The following ZXDC variants were observed in gnomAD, a reference collection of about 807,000 sequenced individuals.
ZXDC encodes the protein zinc finger protein ZXDC.
Under a neutral mutation model 63.6 loss-of-function variants are expected in ZXDC, and 58 were observed. That is an observed-to-expected ratio of 0.91 (90% confidence interval 0.74 to 1.13). ZXDC has a LOEUF of 1.13. Among genes scored for constraint, ZXDC ranks in the 50% most tolerant of loss-of-function variants. ZXDC has a pLI of 0.00. For synonymous variants in ZXDC, 561 were observed against 496.1 expected (o/e 1.13, Z -1.74); for missense variants, 1,133 against 1,148.9 (o/e 0.99, Z 0.20).
chr3:126,471,885 G>T, intron 3 of ZXDC, 88 bp downstream of exon 3: 1 of 1,138,652 alleles, frequency 8.8e-7, no homozygotes, highest in Non-Finnish European at 1.2e-6. Context: ...CTTAAAAAAT[G>T]TCTACAGATA....
At chr3:126,449,067 G>C (rs1212431294) in intron 7 of ZXDC, among the ~76,000 whole-genome samples, 2 of 152,170 alleles carry the variant, frequency 1.3e-5, no homozygotes, top group Non-Finnish European at 2.9e-5. Flanking sequence ...GGCCTCAGAA[G>C]AGTAAATGTA....
intron 7 of ZXDC, chr3:126,459,287 T>A: frequency 1.0e-6 from 1 of 985,374 alleles, no homozygotes; most frequent in Non-Finnish European, 1.2e-6. Flanking sequence ...AGTCCCCAGG[T>A]CTCTGCCATG....
chr3:126,459,360 C>T lies in ZXDC; in HGVS notation c.2212+293G>A, dbSNP rs980377105. On this transcript the variant is annotated intron_variant, in intron 7 of 9. Coordinates refer to ENST00000389709, the MANE Select transcript of ZXDC (RefSeq NM_025112.5). ...AATCTCTGCTTTCCTGACAACTGGCCTGCTTTGCTTATTTACCTTAGTAGC... is the reference window on the plus strand; with the variant it reads ...AATCTCTGCTTTCCTGACAACTGGCTTGCTTTGCTTATTTACCTTAGTAGC... 1.2e-4 allele frequency: 120 copies of T among 985,348 alleles called. 1 individual carries two copies. Among genetic ancestry groups the T allele is most frequent in the Admixed American group, 6.1e-5 (1 of 16,274 alleles). 61.0% of individuals were successfully genotyped at this position (985,348 alleles called of 1,614,324 possible). A position where few individuals can be genotyped will look rare whatever the true frequency, so the allele number is the denominator to read the frequency against.
intron 7 of ZXDC, 119 bp from the exon 8 acceptor site, chr3:126,442,065 A>C: frequency 8.3e-7 from 1 of 1,201,730 alleles, no homozygotes; most frequent in African/African-American, 1.6e-5. Context: ...CTGCACAGCT[A>C]AGAGACGTAA....
chr3:126,454,645 T>A (rs904394525), intron 7 of ZXDC: 1 of 985,338 alleles, frequency 1.0e-6, no homozygotes, highest in African/African-American at 1.7e-5. Flanking sequence ...TGACACAGGA[T>A]ACCCTTGGTT....
intron 1 of ZXDC, among the ~76,000 whole-genome samples, chr3:126,473,318 G>C (rs1432770325): frequency 6.6e-6 from 1 of 152,078 alleles, no homozygotes; most frequent in Non-Finnish European, 1.5e-5. Flanking sequence ...ACCTGCTAGA[G>C]ACCCTCATCA....
chr3:126,449,756 T>C (rs911893472), intron 7 of ZXDC, among the ~76,000 whole-genome samples: 4 of 152,006 alleles, frequency 2.6e-5, no homozygotes, highest in African/African-American at 7.2e-5. Flanking sequence ...GACGGCAACA[T>C]AGGGACGACC....
At chr3:126,469,511 T>C (rs1934896258) in intron 4 of ZXDC, among the ~76,000 whole-genome samples, 1 of 152,182 alleles carries the variant, frequency 6.6e-6, no homozygotes, top group African/African-American at 2.4e-5. Context: ...CTTTCTCTTT[T>C]CCCACTGTTA....
intron 7 of ZXDC, chr3:126,454,006 T>C: frequency 5.9e-6 from 5 of 850,360 alleles, no homozygotes; most frequent in Non-Finnish European, 7.1e-6. Context: ...CATATATATA[T>C]ATAAGCAGTA....
chr3:126,450,133 C>G (rs1467945335), intron 7 of ZXDC: 3 of 353,998 alleles, frequency 8.5e-6, no homozygotes, highest in Non-Finnish European at 1.7e-5. Flanking sequence ...TGTCCAGAGT[C>G]TGCAAGGGGT....
rs867750415 is a variant in ZXDC, at chr3:126,448,174, C to T, written c.2213-6228G>A. Among the ~76,000 whole-genome samples, 5 of 152,356 alleles carry T rather than the reference C, an allele frequency of 3.3e-5. No individual in the cohort carries two copies. In the East Asian group the frequency reaches 9.6e-4, roughly 29 times the overall value. On this transcript the variant is annotated intron_variant, in intron 7 of 9. Transcript: ENST00000389709. ...CACACCGTATGTCTTCAATAGTTAT[C>T]ACACCTTTGTCAAGTTTTAGAACCA...
At chr3:126,463,977 A>G (rs1158196000) in intron 5 of ZXDC, among the ~76,000 whole-genome samples, 6 of 152,238 alleles carry the variant, frequency 3.9e-5, no homozygotes, top group South Asian at 4.1e-4. Flanking sequence ...CTTAGTACCA[A>G]TGAAGCATTT....
intron 7 of ZXDC, chr3:126,453,099 C>T (rs892895532): frequency 5.1e-6 from 5 of 985,280 alleles, no homozygotes; most frequent in African/African-American, 3.5e-5. Flanking sequence ...ATTTACTGCA[C>T]AAATTCCACA....
At chr3:126,469,571 A>G (rs947546587) in intron 4 of ZXDC, among the ~76,000 whole-genome samples, 3 of 152,060 alleles carry the variant, frequency 2.0e-5, no homozygotes, top group African/African-American at 7.2e-5. Flanking sequence ...GCTGCTTTCA[A>G]TCCTGAAGCC....
rs938452820 is a variant in ZXDC at position 126,465,024 on chromosome 3, G to A, written c.1441+1131C>T. Among the ~76,000 whole-genome samples the A allele has an allele frequency of 3.9e-5, 6 of 152,284 alleles. No homozygotes were observed. The South Asian group carries it at 6.2e-4, about 16-fold the overall frequency. ...CCCAACCCCTCACCAAACTCTGTGCGAGGCATGGAGGCCTGTCCCTTGCCA... is the reference window on the plus strand; with the variant it reads ...CCCAACCCCTCACCAAACTCTGTGCAAGGCATGGAGGCCTGTCCCTTGCCA... On this transcript the variant is annotated intron_variant, in intron 5 of 9. Coordinates refer to ENST00000389709, the MANE Select transcript of ZXDC (RefSeq NM_025112.5).
intron 6 of ZXDC, chr3:126,461,242 C>G (rs1056025937): frequency 1.0e-5 from 12 of 1,163,740 alleles, no homozygotes; most frequent in Non-Finnish European, 1.2e-5. Flanking sequence ...TACAAAACCC[C>G]CAATCTTCAA....
At chr3:126,441,138 G>A in intron 8 of ZXDC, 1 of 985,580 alleles carries the variant, frequency 1.0e-6, no homozygotes, top group South Asian at 4.7e-5. Flanking sequence ...GAAGATGCAG[G>A]TGTGCTCAGG....
chr3:126,440,691 C>A, intron 8 of ZXDC: 1 of 985,676 alleles, frequency 1.0e-6, no homozygotes, highest in Non-Finnish European at 1.2e-6. Context: ...AACAAAGGAC[C>A]AGTGCTCCTG....
chr3:126,453,153 G>GAA lies in ZXDC; in HGVS notation c.2212+6499_2212+6500insTT, dbSNP rs1340320481. 9 of 985,408 alleles carry GAA rather than the reference G, an allele frequency of 9.1e-6. No individual in the cohort carries two copies. The African/African-American group carries it at 1.6e-4, about 17-fold the overall frequency. The allele number at this position is 985,408 out of a possible 1,614,324, so 61.0% of individuals were successfully genotyped here. A position where few individuals can be genotyped will look rare whatever the true frequency, so the allele number is the denominator to read the frequency against. On this transcript the variant is annotated intron_variant, in intron 7 of 9. Transcript: ENST00000389709. The stretch of plus-strand genomic sequence containing the variant: ...ACTATTCATATTCTTATTTCTGAAT[G>GAA]ATTACTTGTTTTCCTAGAAAACTCT...
Sources: gnomAD v4.1 joint callset for allele counts (sites outside exome capture counted in the v4.1 genomes callset) on GRCh38, gnomAD v4.1.1 for gene constraint, MANE v1.5 for transcripts, NCBI Gene and HGNC (gene_info 2026-07-23, HGNC 2026-07-21) for gene names.